NOCT: variants seen among roughly 807,000 people sequenced by gnomAD.
NOCT encodes nocturnin.
Under a neutral mutation model 35.0 loss-of-function variants are expected in NOCT, and 18 were observed. That is an observed-to-expected ratio of 0.51 (90% CI 0.36 to 0.76). The LOEUF is 0.76. Among genes scored for constraint, NOCT ranks in the 30% least tolerant of loss-of-function variants. The pLI, the probability that NOCT is intolerant of heterozygous loss-of-function variation, is 0.01. For missense variants in NOCT, 479 were observed against 541.0 expected (o/e 0.89, Z 1.14); for synonymous variants, 235 against 226.3 (o/e 1.04, Z -0.34).
chr4:139,032,519 AT>A (rs1208270212), intron 1 of NOCT, among the ~76,000 whole-genome samples: 2 of 152,228 alleles, frequency 1.3e-5, no homozygotes, highest in Non-Finnish European at 2.9e-5. Context: ...TAATAAAAAA[AT>A]AAAATGAGAA....
chr4:139,026,390 C>T (rs1032127247), intron 1 of NOCT, among the ~76,000 whole-genome samples: 3 of 152,120 alleles, frequency 2.0e-5, no homozygotes, highest in Non-Finnish European at 4.4e-5. Context: ...CATGAGCCAC[C>T]GCCCCTGGCC....
At chr4:139,041,817 A>C (rs921299917) in intron 1 of NOCT, among the ~76,000 whole-genome samples, 3 of 152,146 alleles carry the variant, frequency 2.0e-5, no homozygotes, top group African/African-American at 7.2e-5. Context: ...GAAATCCAGC[A>C]ATTGATACAA....
rs754052748 is a variant in NOCT at position 139,044,844 on chromosome 4, A to G, written c.666A>G (p.Ser222=). 1 of 1,614,156 alleles carries G rather than the reference A, an allele frequency of 6.2e-7. No individual in the cohort carries two copies. The highest frequency in any genetic ancestry group is 8.5e-7 in the Non-Finnish European group (1 of 1,180,024). ...YQGTFFPKPW[S]PCLDVEHNNG... ...GCACGTTTTTCCCCAAACCCTGGTC[A>G]CCTTGTCTAGATGTAGAACACAACA... Residue 222 remains serine, a synonymous_variant, in exon 3 of 3, where the codon TCA becomes TCG. Transcript: ENST00000280614.
At chr4:139,024,879 C>G (rs977622019) in intron 1 of NOCT, among the ~76,000 whole-genome samples, 1 of 152,222 alleles carries the variant, frequency 6.6e-6, no homozygotes, top group Non-Finnish European at 1.5e-5. Flanking sequence ...ACTGGCATTA[C>G]AGGTGTGAGC....
rs1053637878 is a variant in NOCT, at chr4:139,016,111, C to A, written c.130C>A (p.Pro44Thr). 5.4e-5 allele frequency: 71 copies of A among 1,313,372 alleles called. No homozygotes were observed. The African/African-American group carries it at 9.3e-4, about 17-fold the overall frequency. The allele number at this position is 1,313,372 out of a possible 1,614,324, so 81.4% of individuals were successfully genotyped here. Reference protein sequence around the residue: ...PPAAVPRPASPRLLAAASAAS... With the variant: ...PPAAVPRPASTRLLAAASAAS... ...GGCTGCTGTTCCCAGGCCCGCATCC[C>A]CCCGGCTGCTGGCGGCGGCCTCGGC... Residue 44 changes from proline (P) to threonine (T), a missense_variant, in exon 1 of 3, where the codon CCC becomes ACC. Pro to Thr is a conservative substitution (Grantham distance 38). This residue lies in a region of NOCT where 265 missense variants were observed against 257.0 expected (regional missense o/e 1.03). Coordinates refer to ENST00000280614, the MANE Select transcript of NOCT (RefSeq NM_012118.4).
At chr4:139,034,217 T>A (rs954566186) in intron 1 of NOCT, among the ~76,000 whole-genome samples, 2 of 151,842 alleles carry the variant, frequency 1.3e-5, no homozygotes, top group African/African-American at 4.8e-5. Flanking sequence ...CAGCACTGTG[T>A]CTCCCCACCC....
In NOCT at chr4:139,020,440, C is replaced by T. The variant is rs78736802; in HGVS notation, c.190+4269C>T. 7.9e-3 allele frequency among the ~76,000 whole-genome samples: 1,196 copies of T among 151,830 alleles called. 18 individuals carry two copies. Among genetic ancestry groups the T allele is most frequent in the African/African-American group, 0.026 (1,075 of 41,362 alleles). On this transcript the variant is annotated intron_variant, in intron 1 of 2. Coordinates refer to ENST00000280614, the MANE Select transcript of NOCT (RefSeq NM_012118.4). ...GGGTGTTTTGGAAGGGGACAGTTTG[C>T]GGGGTGGTGGGGGCAGGCAGAGAAG... is the stretch of plus-strand genomic sequence containing the variant.
intron 1 of NOCT, among the ~76,000 whole-genome samples, chr4:139,023,908 G>A (rs1042144399): frequency 1.8e-4 from 28 of 152,046 alleles, no homozygotes; most frequent in African/African-American, 6.0e-4. Context: ...CATCTGATGC[G>A]CCCATCCAAT....
At chr4:139,036,006 A>G (rs1008378749) in intron 1 of NOCT, among the ~76,000 whole-genome samples, 1 of 152,122 alleles carries the variant, frequency 6.6e-6, no homozygotes, top group Admixed American at 6.6e-5. Flanking sequence ...CGCATATCCA[A>G]TAATAGCTCC....
intron 1 of NOCT, among the ~76,000 whole-genome samples, chr4:139,031,024 G>A (rs1203652292): frequency 6.6e-6 from 1 of 152,136 alleles, no homozygotes; most frequent in African/African-American, 2.4e-5. Flanking sequence ...GATACTAAAC[G>A]CAAACTGTGA....
chr4:139,043,006 T>A, intron 1 of NOCT, 68 bp from the exon 2 acceptor site: 1 of 1,419,304 alleles, frequency 7.0e-7, no homozygotes, highest in Non-Finnish European at 9.6e-7. Context: ...ATGTTTATCT[T>A]ACAGTTGTGC....
At chr4:139,019,636 C>T (rs1726373953) in intron 1 of NOCT, among the ~76,000 whole-genome samples, 1 of 152,132 alleles carries the variant, frequency 6.6e-6, no homozygotes, top group South Asian at 2.1e-4. Flanking sequence ...ATAACTTATG[C>T]CCCTTGGCAA....
intron 1 of NOCT, among the ~76,000 whole-genome samples, chr4:139,036,530 A>AT (rs891550680): frequency 6.6e-6 from 1 of 151,952 alleles, no homozygotes; most frequent in East Asian, 1.9e-4. Context: ...TCTAAATCCT[A>AT]TTTTTTCGAA....
intron 1 of NOCT, among the ~76,000 whole-genome samples, chr4:139,021,115 C>T (rs1041780227): frequency 1.3e-5 from 2 of 149,960 alleles, no homozygotes; most frequent in African/African-American, 4.9e-5. Context: ...GGGCCTAAGG[C>T]AGTTCAAGAG....
intron 1 of NOCT, among the ~76,000 whole-genome samples, chr4:139,018,381 A>G (rs1726353547): frequency 6.6e-6 from 1 of 152,204 alleles, no homozygotes; most frequent in Non-Finnish European, 1.5e-5. Flanking sequence ...TCTGAGTAAT[A>G]ATATCAGGTC....
intron 1 of NOCT, among the ~76,000 whole-genome samples, chr4:139,032,386 G>A (rs561408673): frequency 2.6e-5 from 4 of 152,280 alleles, no homozygotes; most frequent in East Asian, 1.9e-4. Context: ...GCCCATTGCC[G>A]TGACTCATGC....
intron 1 of NOCT, among the ~76,000 whole-genome samples, chr4:139,024,950 C>T (rs1182252089): frequency 6.6e-6 from 1 of 152,220 alleles, no homozygotes; most frequent in Non-Finnish European, 1.5e-5. Context: ...AACGGGCAGC[C>T]AGGCTTCCTT....
chr4:139,045,509 A>ATTCTTTTTT lies in NOCT; in HGVS notation c.*37_*38insCTTTTTTTT. On this transcript the variant is annotated 3_prime_UTR_variant, in exon 3 of 3. Transcript: ENST00000280614. ...TTTGTCTTTTTAATCACAGGAGTCT[A>ATTCTTTTTT]TTTTTTTTTTTTTTTTTTTTTTTTT... 1 of 289,550 alleles carries ATTCTTTTTT rather than the reference A, an allele frequency of 3.5e-6. No homozygotes were observed. The highest frequency in any genetic ancestry group is 5.6e-6 in the Non-Finnish European group (1 of 178,134). The allele number at this position is 289,550 out of a possible 1,614,324, so 17.9% of individuals were successfully genotyped here. A position where few individuals can be genotyped will look rare whatever the true frequency, so the allele number is the denominator to read the frequency against.
intron 1 of NOCT, among the ~76,000 whole-genome samples, chr4:139,016,416 C>T (rs1469008022): frequency 1.3e-5 from 2 of 152,042 alleles, no homozygotes; most frequent in Non-Finnish European, 2.9e-5. Flanking sequence ...CCCGCTTGAC[C>T]CTTAGAGGCC....
Sources: gnomAD v4.1 joint callset for allele counts (sites outside exome capture counted in the v4.1 genomes callset) on GRCh38, gnomAD v4.1.1 for gene constraint, gnomAD v4.1.1 regional missense constraint, MANE v1.5 for transcripts, NCBI Gene and HGNC (gene_info 2026-07-23, HGNC 2026-07-21) for gene names.